Variants in CTBP2 observed in about 807,000 individuals in gnomAD.
The protein encoded by CTBP2 is C-terminal-binding protein 2.
CTBP2 carries 30 observed loss-of-function variants against 80.3 expected under a neutral mutation model. The observed-to-expected ratio is 0.37, with a 90% CI of 0.28 to 0.51. The LOEUF (loss-of-function observed/expected upper bound fraction) is 0.51, where lower values mean the gene tolerates loss of function less well. Among genes scored for constraint, CTBP2 ranks in the 20% least tolerant of loss-of-function variants. CTBP2 has a pLI of 0.93. For synonymous variants in CTBP2, 594 were observed against 587.4 expected (o/e 1.01, Z -0.16); for missense variants, 1,212 against 1,375.3 (o/e 0.88, Z 1.88).
chr10:125,050,621 G>A (rs560920355), intron 2 of CTBP2, among the ~76,000 whole-genome samples: 3 of 152,288 alleles, frequency 2.0e-5, no homozygotes, highest in South Asian at 4.1e-4. Flanking sequence ...GGAAGGGTGG[G>A]GGTGCGGCTC....
intron 1 of CTBP2, among the ~76,000 whole-genome samples, chr10:125,149,048 G>C (rs904473010): frequency 3.9e-5 from 6 of 152,208 alleles, no homozygotes; most frequent in African/African-American, 1.2e-4. Flanking sequence ...CCACTGCGCC[G>C]TGTTCTGCTG....
At chr10:125,050,752 C>T (rs1276015524) in intron 2 of CTBP2, among the ~76,000 whole-genome samples, 1 of 152,212 alleles carries the variant, frequency 6.6e-6, no homozygotes, top group East Asian at 1.9e-4. Context: ...GAGTACACCA[C>T]CCCATTTTAA....
At chr10:124,991,702 C>T (rs1952639827) in intron 8 of CTBP2, among the ~76,000 whole-genome samples, 1 of 152,128 alleles carries the variant, frequency 6.6e-6, no homozygotes. Context: ...GCTGAACGTC[C>T]TACAATGCAC....
intron 2 of CTBP2, among the ~76,000 whole-genome samples, chr10:125,079,512 A>G (rs1372016382): frequency 6.6e-6 from 1 of 152,250 alleles, no homozygotes; most frequent in African/African-American, 2.4e-5. Context: ...TGGTTTCAAT[A>G]AGATATGAAG....
intron 2 of CTBP2, among the ~76,000 whole-genome samples, chr10:125,065,011 T>C (rs1418635614): frequency 6.6e-6 from 1 of 152,186 alleles, no homozygotes; most frequent in Non-Finnish European, 1.5e-5. Context: ...CACCCACAGG[T>C]AACCACAACT....
intron 4 of CTBP2, chr10:124,997,096 G>C (rs930169500): frequency 6.6e-6 from 1 of 152,334 alleles, no homozygotes; most frequent in African/African-American, 2.4e-5. Context: ...CCAAGCAAGG[G>C]CTGAGCAGCA....
intron 1 of CTBP2, among the ~76,000 whole-genome samples, chr10:125,114,526 C>T (rs1301157119): frequency 7.9e-5 from 12 of 151,952 alleles, no homozygotes; most frequent in East Asian, 7.7e-4. Flanking sequence ...CCTACCCCAC[C>T]GCCACTGCTT....
chr10:125,142,569 C>G (rs1025236684), intron 1 of CTBP2, among the ~76,000 whole-genome samples: 3 of 152,168 alleles, frequency 2.0e-5, no homozygotes, highest in South Asian at 4.1e-4. Flanking sequence ...ACGCCTAGAT[C>G]GTCAAGACTT....
intron 1 of CTBP2, among the ~76,000 whole-genome samples, chr10:125,141,336 A>G (rs1312974649): frequency 2.0e-5 from 3 of 152,108 alleles, no homozygotes; most frequent in African/African-American, 7.2e-5. Context: ...TATTTGACGC[A>G]TAAGGAGCTG....
rs567376112 is a variant in CTBP2, at chr10:125,145,604, A to G, written c.-206+14715T>C. ...CACTCCCTGCTAGGAAGAAGAAGGC[A>G]CAGTTGACGGGAGGATTTGTCTTTC... On this transcript the variant is annotated intron_variant, in intron 1 of 10. Transcript: ENST00000337195. 2.0e-5 allele frequency among the ~76,000 whole-genome samples: 3 copies of G among 152,290 alleles called. No individual in the cohort carries two copies. The East Asian group carries it at 5.8e-4, about 29-fold the overall frequency.
chr10:125,025,869 C>T (rs1436073334), intron 1 of CTBP2, among the ~76,000 whole-genome samples: 3 of 152,250 alleles, frequency 2.0e-5, no homozygotes, highest in Non-Finnish European at 2.9e-5. Flanking sequence ...GAGGGCACTG[C>T]TGCCCCAGCA....
In CTBP2 at chr10:125,027,114, C is replaced by G. The variant is rs112433109; in HGVS notation, c.646G>C (p.Glu216Gln). The G allele has an allele frequency of 1.2e-6, 2 of 1,605,976 alleles. No homozygotes were observed. The highest frequency in any genetic ancestry group is 1.7e-6 in the Non-Finnish European group (2 of 1,174,552). Residue 216 changes from glutamate to glutamine, a missense_variant, in exon 1 of 9, where the codon GAA becomes CAA. Physicochemically the swap from Glu to Gln is conservative, Grantham distance 29. Coordinates refer to ENST00000309035, the MANE Select transcript of CTBP2 (RefSeq NM_022802.3). ...GCAGGGGCAGGGTCAATGGGTCTTT[C>G]GCTGATGTCGCTGAAGACCTGGCTG...
chr10:125,116,097 A>G lies in CTBP2; in HGVS notation c.-205-5004T>C, dbSNP rs1481873020. On this transcript the variant is annotated intron_variant, in intron 1 of 10. Transcript: ENST00000337195. ...AGCCCCAGAGGCACAGGAGCAAAAC[A>G]GAAACCTGGTCCCTGCCCCAGGGAC... is the stretch of plus-strand genomic sequence containing the variant. 2.6e-5 allele frequency among the ~76,000 whole-genome samples: 4 copies of G among 152,266 alleles called. No individual in the cohort carries two copies. The South Asian group carries it at 8.3e-4, about 32-fold the overall frequency.
At chr10:125,095,751 T>C (rs1849450017) in intron 2 of CTBP2, among the ~76,000 whole-genome samples, 1 of 152,236 alleles carries the variant, frequency 6.6e-6, no homozygotes. Context: ...GGATTCAGGC[T>C]GGAGCAGACG....
upstream of CTBP2, among the ~76,000 whole-genome samples, chr10:125,029,452 A>G (rs1475465459): frequency 4.0e-5 from 6 of 151,700 alleles, no homozygotes; most frequent in Non-Finnish European, 8.8e-5. Flanking sequence ...TACTCTATCT[A>G]CTTCACCATG....
At chr10:125,134,795 CCCCCAGCCTTT>C (rs58556254) in intron 1 of CTBP2, among the ~76,000 whole-genome samples, 81,234 of 150,794 alleles carry the variant, frequency 0.54, 23,457 homozygotes, top group South Asian at 0.64. Flanking sequence ...CTCCCATCTT[CCCCCAGCCTTT>C]CCCTCCCAGC....
rs550425201 is a variant in CTBP2, at chr10:125,136,406, C to A, written c.-206+23913G>T. 3.9e-5 allele frequency among the ~76,000 whole-genome samples: 6 copies of A among 152,336 alleles called. No individual in the cohort carries two copies. In the East Asian group the frequency reaches 9.7e-4, roughly 25 times the overall value. On this transcript the variant is annotated intron_variant, in intron 1 of 10. Transcript: ENST00000337195. The stretch of plus-strand genomic sequence containing the variant: ...CTCTGGTTGGGTGGTCAGCTCCTTG[C>A]AGGCAGGAGCAGGTCAGGCTTGTTC...
chr10:125,098,750 CAGAG>C lies in CTBP2; in HGVS notation c.-102+12236_-102+12239del, dbSNP rs1265217140. Among the ~76,000 whole-genome samples the C allele has an allele frequency of 1.1e-3, 85 of 75,498 alleles. 3 individuals are homozygous for C. Among genetic ancestry groups the C allele is most frequent in the African/African-American group, 2.7e-3 (41 of 15,018 alleles). 49.5% of individuals were successfully genotyped at this position (75,498 alleles called of 152,430 possible). A position where few individuals can be genotyped will look rare whatever the true frequency, so the allele number is the denominator to read the frequency against. ...AGAGAGAGAGAGAGAGAGAGAGAGA[CAGAG>C]AGAGAGAGAGAGAGAGAGAGAGAGA... On this transcript the variant is annotated intron_variant, in intron 2 of 10. Transcript: ENST00000337195.
chr10:125,090,394 CTT>C (rs770402504), intron 2 of CTBP2, among the ~76,000 whole-genome samples: 12 of 145,568 alleles, frequency 8.2e-5, no homozygotes, highest in Non-Finnish European at 3.0e-5. Flanking sequence ...GAATTACAGA[CTT>C]AAGATATTTT....
Sources: gnomAD v4.1 joint callset for allele counts (sites outside exome capture counted in the v4.1 genomes callset) on GRCh38, gnomAD v4.1.1 for gene constraint, MANE v1.5 for transcripts, NCBI Gene and HGNC (gene_info 2026-07-23, HGNC 2026-07-21) for gene names.